Variants in SGCZ observed in about 807,000 individuals in gnomAD.
The protein encoded by SGCZ is sarcoglycan zeta, also known as zeta-sarcoglycan.
SGCZ carries 40 observed loss-of-function variants against 41.3 expected under a neutral mutation model. The observed-to-expected ratio is 0.97, with a 90% CI of 0.75 to 1.26. SGCZ has a LOEUF of 1.26. Ranked by LOEUF, SGCZ falls within the 50% of genes most tolerant of loss-of-function variation. The probability of loss-of-function intolerance (pLI) is 0.00; values close to 1 mark genes in which losing one functional copy is unlikely to be tolerated. For missense variants in SGCZ, 552 were observed against 369.8 expected, an observed-to-expected ratio of 1.49 and a Z score of -4.04; for synonymous variants, 206 against 137.5, an observed-to-expected ratio of 1.50 and a Z score of -3.49.
chr8:14,250,117 T>G (rs768174895), intron 3 of SGCZ, among the ~76,000 whole-genome samples: 2 of 152,204 alleles, frequency 1.3e-5, no homozygotes, highest in African/African-American at 2.4e-5. Flanking sequence ...AAAGCTGGTC[T>G]GCAGATTACT....
At chr8:14,437,127 T>G (rs1240239661) in intron 2 of SGCZ, among the ~76,000 whole-genome samples, 2 of 152,202 alleles carry the variant, frequency 1.3e-5, no homozygotes, top group African/African-American at 2.4e-5. Context: ...ATTTGGAAAT[T>G]CTGCATGACT....
At chr8:14,364,303 T>A (rs1803625433) in intron 2 of SGCZ, among the ~76,000 whole-genome samples, 2 of 152,188 alleles carry the variant, frequency 1.3e-5, no homozygotes, top group South Asian at 4.1e-4. Context: ...GGCTTCTCAT[T>A]GCCTGCTATC....
chr8:14,812,812 G>C (rs1801775357), intron 1 of SGCZ, among the ~76,000 whole-genome samples: 1 of 152,042 alleles, frequency 6.6e-6, no homozygotes, highest in South Asian at 2.1e-4. Flanking sequence ...TAATAGATAA[G>C]CTTCCACAAT....
intron 2 of SGCZ, among the ~76,000 whole-genome samples, chr8:14,432,527 G>T (rs955195062): frequency 2.0e-5 from 3 of 152,150 alleles, no homozygotes; most frequent in Non-Finnish European, 4.4e-5. Context: ...GGGACTCAGG[G>T]TAAAGGGTGA....
At chr8:14,339,665 GAGTAA>G (rs1427629798) in intron 2 of SGCZ, among the ~76,000 whole-genome samples, 1 of 152,210 alleles carries the variant, frequency 6.6e-6, no homozygotes, top group Non-Finnish European at 1.5e-5. Flanking sequence ...AACACTTGCT[GAGTAA>G]AGTATAGTGC....
intron 4 of SGCZ, among the ~76,000 whole-genome samples, chr8:14,205,782 A>T (rs1251362562): frequency 2.6e-5 from 4 of 152,098 alleles, no homozygotes; most frequent in African/African-American, 9.7e-5. Context: ...CTTTAATGTT[A>T]GTTTCTTTTT....
At chr8:14,152,932 G>C (rs1230576398) in intron 5 of SGCZ, among the ~76,000 whole-genome samples, 1 of 152,112 alleles carries the variant, frequency 6.6e-6, no homozygotes, top group Non-Finnish European at 1.5e-5. Flanking sequence ...GGAAAGGTAA[G>C]TAAATACCAT....
At chr8:14,754,444 T>C (rs1799595088) in intron 1 of SGCZ, among the ~76,000 whole-genome samples, 1 of 152,206 alleles carries the variant, frequency 6.6e-6, no homozygotes, top group Non-Finnish European at 1.5e-5. Context: ...GTATATGTGT[T>C]ATATAATATT....
At chr8:14,885,741 T>A (rs967771633) in intron 1 of SGCZ, among the ~76,000 whole-genome samples, 6 of 151,846 alleles carry the variant, frequency 4.0e-5, no homozygotes, top group African/African-American at 1.5e-4. Flanking sequence ...AATGTCAGGG[T>A]TATTTTGTTT....
intron 1 of SGCZ, among the ~76,000 whole-genome samples, chr8:14,645,524 G>A (rs1375719791): frequency 2.3e-5 from 3 of 128,508 alleles, no homozygotes; most frequent in Non-Finnish European, 3.3e-5. Flanking sequence ...CAATAATTAT[G>A]TTTATTTTAA....
At chr8:14,768,630 C>T (rs780022297) in intron 1 of SGCZ, among the ~76,000 whole-genome samples, 2 of 152,164 alleles carry the variant, frequency 1.3e-5, no homozygotes, top group Admixed American at 6.5e-5. Flanking sequence ...GGATCCAGAA[C>T]TAAGCTGCAC....
At position 14,240,356 on chromosome 8, in the gene SGCZ, G is replaced by A. The variant is rs9942782; in HGVS notation, c.337-2677C>T. Among the ~76,000 whole-genome samples the A allele has an allele frequency of 3.6e-3, 483 of 134,628 alleles. 11 individuals are homozygous for A. Among genetic ancestry groups the A allele is most frequent in the Admixed American group, 0.013 (162 of 12,916 alleles). The allele number at this position is 134,628 out of a possible 152,430, so 88.3% of individuals were successfully genotyped here. A position where few individuals can be genotyped will look rare whatever the true frequency, so the allele number is the denominator to read the frequency against. ...AAAAAAAAAAAAAAAAAAAAAAAAA[G>A]AACTGAAAGTTTAAAAGTTTAATCA... On this transcript the variant is annotated intron_variant, in intron 3 of 7. Coordinates refer to ENST00000382080, the MANE Select transcript of SGCZ (RefSeq NM_139167.4).
intron 5 of SGCZ, 105 bp from the exon 6 acceptor site, chr8:14,108,340 A>G (rs2117001292): frequency 1.0e-6 from 1 of 963,400 alleles, no homozygotes; most frequent in East Asian, 2.5e-5. Context: ...GAAAACTTAA[A>G]ACAGGTACAT....
At chr8:14,342,338 G>T (rs200810277) in intron 2 of SGCZ, among the ~76,000 whole-genome samples, 1 of 151,920 alleles carries the variant, frequency 6.6e-6, no homozygotes, top group East Asian at 1.9e-4. Flanking sequence ...TCTTTTTGAG[G>T]TGCAGTCTCA....
At chr8:14,886,026 T>C (rs867565187) in intron 1 of SGCZ, among the ~76,000 whole-genome samples, 1,209 of 114,912 alleles carry the variant, frequency 0.011, 15 homozygotes, top group Non-Finnish European at 0.015. Flanking sequence ...TATATATATA[T>C]ATATATATAA....
At chr8:14,506,161 C>A (rs73190247) in intron 2 of SGCZ, among the ~76,000 whole-genome samples, 2,646 of 151,818 alleles carry the variant, frequency 0.017, 41 homozygotes, top group East Asian at 0.08. Flanking sequence ...CATGATGAAA[C>A]CCTGTGTCTA....
At chr8:14,278,498 T>C (rs1053630855) in intron 3 of SGCZ, among the ~76,000 whole-genome samples, 3 of 152,136 alleles carry the variant, frequency 2.0e-5, no homozygotes, top group Non-Finnish European at 4.4e-5. Flanking sequence ...TGTGAGATGA[T>C]GAGTTTTTAG....
intron 1 of SGCZ, among the ~76,000 whole-genome samples, chr8:15,223,459 T>G (rs1010515552): frequency 3.9e-5 from 6 of 152,208 alleles, no homozygotes; most frequent in African/African-American, 1.4e-4. Flanking sequence ...CCTAGAAATA[T>G]GTAGTAAATC....
chr8:14,197,115 T>C (rs1052088520), intron 4 of SGCZ, among the ~76,000 whole-genome samples: 2 of 152,132 alleles, frequency 1.3e-5, no homozygotes, highest in East Asian at 1.9e-4. Flanking sequence ...GTAAATTAAA[T>C]AGCAATACAG....
Sources: gnomAD v4.1 joint callset for allele counts (sites outside exome capture counted in the v4.1 genomes callset) on GRCh38, gnomAD v4.1.1 for gene constraint, MANE v1.5 for transcripts, NCBI Gene and HGNC (gene_info 2026-07-23, HGNC 2026-07-21) for gene names.